Variants in CBLN2 observed in about 807,000 individuals in gnomAD.
CBLN2 encodes cerebellin-2.
Under a neutral mutation model 15.0 loss-of-function variants are expected in CBLN2, and 7 were observed. The observed-to-expected ratio is 0.47, with a 90% CI of 0.27 to 0.88. The LOEUF (loss-of-function observed/expected upper bound fraction) is 0.88, where lower values mean the gene tolerates loss of function less well. Ranked by LOEUF, CBLN2 falls within the 40% of genes least tolerant of loss-of-function variation. The pLI is 0.14. For missense variants in CBLN2, 242 were observed against 304.5 expected (o/e 0.79, Z 1.53); for synonymous variants, 149 against 135.2 (o/e 1.10, Z -0.71).
intron 1 of CBLN2, among the ~76,000 whole-genome samples, chr18:72,587,875 A>T (rs917909932): frequency 6.6e-6 from 1 of 152,176 alleles, no homozygotes; most frequent in Non-Finnish European, 1.5e-5. Context: ...GAAATAGATA[A>T]TCTTTTTAAA....
chr18:72,586,430 T>C (rs1294207684), intron 1 of CBLN2, among the ~76,000 whole-genome samples: 1 of 152,180 alleles, frequency 6.6e-6, no homozygotes, highest in East Asian at 1.9e-4. Flanking sequence ...CCAAAACTTC[T>C]TAAATGGAAC....
At chr18:72,622,188 A>G (rs1470090437) in intron 1 of CBLN2, among the ~76,000 whole-genome samples, 1 of 152,124 alleles carries the variant, frequency 6.6e-6, no homozygotes, top group East Asian at 1.9e-4. Flanking sequence ...AACCTCTTGA[A>G]TGTTCTTATT....
chr18:72,627,685 C>T (rs952549812), intron 1 of CBLN2, among the ~76,000 whole-genome samples: 8 of 152,182 alleles, frequency 5.3e-5, no homozygotes, highest in Non-Finnish European at 1.0e-4. Flanking sequence ...TGCGCAAGCA[C>T]GATCCTAAAA....
At chr18:72,597,496 C>T (rs536163880) in intron 1 of CBLN2, among the ~76,000 whole-genome samples, 1 of 152,170 alleles carries the variant, frequency 6.6e-6, no homozygotes, top group Admixed American at 6.5e-5. Context: ...GACCCAAAGC[C>T]AGCATAGTAC....
chr18:72,628,185 G>T (rs1053885035), intron 1 of CBLN2, among the ~76,000 whole-genome samples: 11 of 152,192 alleles, frequency 7.2e-5, no homozygotes, highest in African/African-American at 2.7e-4. Context: ...ACCATCTAGA[G>T]TCTTACAATT....
chr18:72,629,307 A>T (rs2069760241), intron 1 of CBLN2, among the ~76,000 whole-genome samples: 1 of 152,194 alleles, frequency 6.6e-6, no homozygotes, highest in South Asian at 2.1e-4. Context: ...AACCAGAGAG[A>T]ATATTGAAGA....
intron 3 of CBLN2, 88 bp downstream of exon 3, chr18:72,541,716 G>T: frequency 1.9e-6 from 2 of 1,061,412 alleles, no homozygotes; most frequent in Non-Finnish European, 2.6e-6. Context: ...GGAACTCCAC[G>T]TCCAAGAAGC....
intron 1 of CBLN2, among the ~76,000 whole-genome samples, chr18:72,550,571 C>G (rs749937227): frequency 6.6e-6 from 1 of 152,178 alleles, no homozygotes; most frequent in Non-Finnish European, 1.5e-5. Flanking sequence ...GATATTCACA[C>G]TAAATTTCCT....
Position 72,538,268 on chromosome 18 carries a change from C to T in CBLN2, c.583G>A (p.Glu195Lys), listed in dbSNP as rs1309683099. Residue 195 changes from glutamate to lysine, a missense_variant, in exon 5 of 5, where the codon GAA becomes AAA. Physicochemically the swap from Glu to Lys is moderately conservative, Grantham distance 56 (BLOSUM62 1). Coordinates refer to ENST00000269503, the MANE Select transcript of CBLN2 (RefSeq NM_182511.4). ...TCAAGTTTGAGATGCACTTTGTCTT[C>T]CCTTTCCATGAGCAGCAGCACGCCA... ...SNGVLLLMER[E>K]DKVHLKLERG... 2 of 1,614,190 alleles carry T rather than the reference C, an allele frequency of 1.2e-6. No homozygotes were observed. Among genetic ancestry groups the T allele is most frequent in the Non-Finnish European group, 8.5e-7 (1 of 1,180,036 alleles).
At chr18:72,579,675 T>A (rs541604745) in intron 1 of CBLN2, among the ~76,000 whole-genome samples, 1 of 152,106 alleles carries the variant, frequency 6.6e-6, no homozygotes, top group African/African-American at 2.4e-5. Flanking sequence ...GAGGTTACAG[T>A]CAGCCAAGAT....
At chr18:72,600,691 A>C (rs978712025) in intron 1 of CBLN2, among the ~76,000 whole-genome samples, 3 of 152,182 alleles carry the variant, frequency 2.0e-5, no homozygotes, top group African/African-American at 4.8e-5. Context: ...GAAAGAGTTA[A>C]ATTGACATGA....
intron 3 of CBLN2, among the ~76,000 whole-genome samples, chr18:72,541,102 A>C (rs1007437413): frequency 3.3e-5 from 5 of 152,248 alleles, no homozygotes; most frequent in African/African-American, 1.2e-4. Flanking sequence ...AAATGGCATA[A>C]GTTAAGTGGC....
intron 1 of CBLN2, among the ~76,000 whole-genome samples, chr18:72,590,357 G>A (rs2069472532): frequency 1.3e-5 from 2 of 152,094 alleles, no homozygotes. Context: ...TGAGGCAGGA[G>A]AATCATGTGA....
intron 1 of CBLN2, among the ~76,000 whole-genome samples, chr18:72,588,859 T>G (rs1175367527): frequency 6.6e-6 from 1 of 152,166 alleles, no homozygotes; most frequent in Non-Finnish European, 1.5e-5. Flanking sequence ...GAACATTAAG[T>G]ACTTCGCTCA....
chr18:72,561,942 G>A (rs563187950), intron 1 of CBLN2, among the ~76,000 whole-genome samples: 1 of 152,256 alleles, frequency 6.6e-6, no homozygotes, highest in East Asian at 1.9e-4. Flanking sequence ...TTGGCAGGTG[G>A]TCTATGTGAT....
At chr18:72,632,397 C>G (rs1468836043) in intron 1 of CBLN2, among the ~76,000 whole-genome samples, 1 of 152,108 alleles carries the variant, frequency 6.6e-6, no homozygotes, top group Admixed American at 6.6e-5. Flanking sequence ...ATAAATCAAG[C>G]AAGCTTTCAT....
intron 1 of CBLN2, among the ~76,000 whole-genome samples, chr18:72,604,478 G>A (rs2069570200): frequency 6.6e-6 from 1 of 152,064 alleles, no homozygotes; most frequent in African/African-American, 2.4e-5. Flanking sequence ...TGTGTTTTAG[G>A]CAACACACAA....
intron 1 of CBLN2, among the ~76,000 whole-genome samples, chr18:72,559,399 C>T (rs1297656209): frequency 5.3e-5 from 8 of 152,216 alleles, no homozygotes; most frequent in Non-Finnish European, 1.5e-5. Flanking sequence ...TTAGGGGCTT[C>T]AAGAAAGGCC....
chr18:72,637,063 G>T (rs2069818128), intron 1 of CBLN2, among the ~76,000 whole-genome samples: 1 of 148,882 alleles, frequency 6.7e-6, no homozygotes, highest in Admixed American at 6.7e-5. Flanking sequence ...AAACCCAGTT[G>T]CAATGAGAAA....
Sources: allele counts gnomAD v4.1 joint callset (sites outside exome capture counted in the v4.1 genomes callset), GRCh38; gene constraint gnomAD v4.1.1; transcripts MANE v1.5; gene names NCBI Gene and HGNC (gene_info 2026-07-23, HGNC 2026-07-21).